KAZN: variants seen among roughly 807,000 people sequenced by gnomAD.
The protein encoded by KAZN is kazrin, periplakin interacting protein.
KAZN carries 40 observed loss-of-function variants against 87.4 expected under a neutral mutation model. That is an observed-to-expected ratio of 0.46 (90% CI 0.36 to 0.60). The LOEUF is 0.60. Among genes scored for constraint, KAZN ranks in the 20% least tolerant of loss-of-function variants. The probability of loss-of-function intolerance (pLI) is 0.00; values close to 1 mark genes in which losing one functional copy is unlikely to be tolerated. For synonymous variants in KAZN, 466 were observed against 458.3 expected, an observed-to-expected ratio of 1.02 and a Z score of -0.22; for missense variants, 898 against 1,073.9, an observed-to-expected ratio of 0.84 and a Z score of 2.29.
intron 1 of KAZN, among the ~76,000 whole-genome samples, chr1:14,147,457 T>A (rs1198343165): frequency 6.6e-6 from 1 of 152,182 alleles, no homozygotes; most frequent in Non-Finnish European, 1.5e-5. Context: ...TGAAACAGTG[T>A]TGATAATAGA....
chr1:14,105,017 G>T (rs146940404), intron 1 of KAZN, among the ~76,000 whole-genome samples: 1 of 152,104 alleles, frequency 6.6e-6, no homozygotes, highest in Non-Finnish European at 1.5e-5. Context: ...GTGGAGGGTG[G>T]TCTTGTTGGA....
chr1:14,630,481 G>A (rs1454222686), intron 1 of KAZN, among the ~76,000 whole-genome samples: 1 of 152,084 alleles, frequency 6.6e-6, no homozygotes. Flanking sequence ...GAGCCCAGGT[G>A]TTCAAGACCA....
At chr1:14,715,385 G>A (rs1642736798) in intron 1 of KAZN, among the ~76,000 whole-genome samples, 1 of 152,220 alleles carries the variant, frequency 6.6e-6, no homozygotes. Context: ...CACGAGGGAG[G>A]TTGGCCAAGT....
chr1:14,252,825 G>A lies in KAZN; in HGVS notation c.249+72233G>A, dbSNP rs532339257. ...TTATTCTGCACTCATCTTACAATCCGTTGTTGGTTCAATGCAGGGGCTGTA... is the reference window on the plus strand; with the variant it reads ...TTATTCTGCACTCATCTTACAATCCATTGTTGGTTCAATGCAGGGGCTGTA... On this transcript the variant is annotated intron_variant, in intron 2 of 16. Coordinates refer to the KAZN transcript ENST00000636203. Among the ~76,000 whole-genome samples, 15 of 152,228 alleles carry A rather than the reference G, an allele frequency of 9.9e-5. No individual in the cohort carries two copies. The South Asian group carries it at 2.5e-3, about 25-fold the overall frequency.
At chr1:14,019,396 G>C (rs1640720998) in intron 1 of KAZN, among the ~76,000 whole-genome samples, 1 of 152,166 alleles carries the variant, frequency 6.6e-6, no homozygotes, top group African/African-American at 2.4e-5. Context: ...AGGCCATGAA[G>C]ACCGAGTACA....
At chr1:14,079,432 C>T (rs953332152) in intron 1 of KAZN, among the ~76,000 whole-genome samples, 12 of 152,304 alleles carry the variant, frequency 7.9e-5, no homozygotes, top group Admixed American at 5.2e-4. Flanking sequence ...TCATCAGAAT[C>T]GTCTATTTTG....
intron 1 of KAZN, among the ~76,000 whole-genome samples, chr1:14,864,847 G>T (rs1351080329): frequency 1.3e-5 from 2 of 152,110 alleles, no homozygotes; most frequent in Non-Finnish European, 2.9e-5. Context: ...TCTCATGTAT[G>T]AAATGGGATA....
chr1:14,584,424 G>A (rs6685406), intron 2 of KAZN, among the ~76,000 whole-genome samples: 51,577 of 152,096 alleles, frequency 0.34, 9,527 homozygotes, highest in Admixed American at 0.43. Context: ...ACTCCACAGA[G>A]AGGAGCAAGA....
intron 1 of KAZN, among the ~76,000 whole-genome samples, chr1:14,930,399 G>A (rs1196306815): frequency 2.0e-5 from 3 of 152,100 alleles, no homozygotes; most frequent in South Asian, 2.1e-4. Flanking sequence ...GCTATTTCCC[G>A]GATGCTTTAT....
At chr1:14,850,226 G>A (rs1009988169) in intron 1 of KAZN, among the ~76,000 whole-genome samples, 4 of 152,096 alleles carry the variant, frequency 2.6e-5, no homozygotes, top group Non-Finnish European at 4.4e-5. Context: ...GAGCCACTGC[G>A]TCCAGCCTAT....
At chr1:14,050,179 C>G (rs1034092941) in intron 1 of KAZN, among the ~76,000 whole-genome samples, 7 of 148,764 alleles carry the variant, frequency 4.7e-5, no homozygotes, top group Non-Finnish European at 7.4e-5. Flanking sequence ...GGTGTGTGCG[C>G]ACATGTGTGT....
intron 1 of KAZN, among the ~76,000 whole-genome samples, chr1:14,173,667 C>T (rs116108506): frequency 0.12 from 18,616 of 151,768 alleles, 1,280 homozygotes; most frequent in East Asian, 0.33. Flanking sequence ...CTCCCCGCCC[C>T]GCCCCGCCCA....
upstream of KAZN, among the ~76,000 whole-genome samples, chr1:14,596,698 T>C (rs1039936833): frequency 6.6e-6 from 1 of 152,258 alleles, no homozygotes; most frequent in Non-Finnish European, 1.5e-5. Flanking sequence ...TTGAATCGTA[T>C]AATATGTGAC....
chr1:14,457,761 A>G (rs935195321), intron 2 of KAZN, among the ~76,000 whole-genome samples: 3 of 151,846 alleles, frequency 2.0e-5, no homozygotes, highest in Non-Finnish European at 2.9e-5. Context: ...CTTTAATTAC[A>G]GCGTTTTTAA....
chr1:14,325,232 GC>G (rs1656327618), intron 2 of KAZN, among the ~76,000 whole-genome samples: 1 of 152,196 alleles, frequency 6.6e-6, no homozygotes, highest in African/African-American at 2.4e-5. Flanking sequence ...AAAGACAACA[GC>G]CACCATCACT....
chr1:14,275,490 G>GTGTGTC (rs1028648873), intron 2 of KAZN, among the ~76,000 whole-genome samples: 16 of 144,014 alleles, frequency 1.1e-4, no homozygotes, highest in Non-Finnish European at 2.2e-4. Context: ...GTGTGTGTGT[G>GTGTGTC]TCTAAACAAT....
At chr1:14,502,415 C>T (rs919015571) in intron 2 of KAZN, among the ~76,000 whole-genome samples, 6 of 152,194 alleles carry the variant, frequency 3.9e-5, no homozygotes, top group African/African-American at 1.4e-4. Flanking sequence ...GACAAGCTTA[C>T]AATCCAGCAT....
intron 2 of KAZN, among the ~76,000 whole-genome samples, chr1:14,492,909 C>T (rs992251535): frequency 1.3e-5 from 2 of 151,754 alleles, no homozygotes; most frequent in African/African-American, 2.4e-5. Flanking sequence ...TGCCATCCCC[C>T]ACCACTTGCT....
chr1:14,511,766 G>T (rs535960692), intron 2 of KAZN, among the ~76,000 whole-genome samples: 1 of 152,254 alleles, frequency 6.6e-6, no homozygotes, highest in South Asian at 2.1e-4. Context: ...GATCCACAAA[G>T]TCAGATCTTG....
Sources: gnomAD v4.1 joint callset for allele counts (sites outside exome capture counted in the v4.1 genomes callset) on GRCh38, gnomAD v4.1.1 for gene constraint, MANE v1.5 for transcripts, NCBI Gene and HGNC (gene_info 2026-07-23, HGNC 2026-07-21) for gene names.